The following ZBTB7C variants were observed in gnomAD, a reference collection of about 807,000 sequenced individuals.
ZBTB7C encodes the protein zinc finger and BTB domain-containing protein 7C.
Under a neutral mutation model 25.7 loss-of-function variants are expected in ZBTB7C, and 8 were observed. The ratio of observed to expected loss-of-function variants is 0.31; its 90% CI spans 0.18 to 0.56. ZBTB7C has a LOEUF of 0.56. Among genes scored for constraint, ZBTB7C ranks in the 20% least tolerant of loss-of-function variants. The pLI is 0.91. For synonymous variants in ZBTB7C, 394 were observed against 369.0 expected, an observed-to-expected ratio of 1.07 and a Z score of -0.78; for missense variants, 824 against 855.2, an observed-to-expected ratio of 0.96 and a Z score of 0.46.
chr18:48,070,308 G>GTTCTGGA (rs899753894), intron 3 of ZBTB7C, among the ~76,000 whole-genome samples: 169 of 152,344 alleles, frequency 1.1e-3, no homozygotes, highest in African/African-American at 3.8e-3. Context: ...TACCTGCCTG[G>GTTCTGGA]TTCTGGAGTC....
chr18:48,083,511 C>T (rs545226249), intron 3 of ZBTB7C, among the ~76,000 whole-genome samples: 231 of 152,192 alleles, frequency 1.5e-3, no homozygotes, highest in Non-Finnish European at 2.5e-3. Flanking sequence ...AAGCATTTCT[C>T]TCCATCTAAG....
Position 48,329,109 on chromosome 18 carries a change from G to T in ZBTB7C, c.-79+9065C>A, listed in dbSNP as rs572623861. ...TAAAAGCAACACAGGGTCAGAGAAG[G>T]CTTCTTTAAGAAGTCTCTCTCTAAT... is the stretch of plus-strand genomic sequence containing the variant. On this transcript the variant is annotated intron_variant, in intron 2 of 4. Coordinates refer to ENST00000590800, the MANE Select transcript of ZBTB7C (RefSeq NM_001318841.2). 3.0e-4 allele frequency among the ~76,000 whole-genome samples: 45 copies of T among 152,296 alleles called. 1 individual carries two copies. Among genetic ancestry groups the T allele is most frequent in the African/African-American group, 1.0e-3 (43 of 41,568 alleles).
chr18:48,230,256 C>A (rs887148105), intron 2 of ZBTB7C, among the ~76,000 whole-genome samples: 3 of 152,202 alleles, frequency 2.0e-5, no homozygotes, highest in Non-Finnish European at 4.4e-5. Flanking sequence ...CAAGGTTTAT[C>A]CCCTGTTCAG....
intron 2 of ZBTB7C, among the ~76,000 whole-genome samples, chr18:48,191,804 G>C (rs935345548): frequency 6.6e-6 from 1 of 152,186 alleles, no homozygotes; most frequent in African/African-American, 2.4e-5. Flanking sequence ...TCCTTCAGAG[G>C]CTATGTTTGC....
chr18:48,215,279 C>T (rs996627853), intron 2 of ZBTB7C, among the ~76,000 whole-genome samples: 1 of 152,092 alleles, frequency 6.6e-6, no homozygotes, highest in Admixed American at 6.5e-5. Flanking sequence ...CCAGTGTTGA[C>T]CAAAAAAGCC....
At chr18:48,271,850 GA>G (rs1389112487) in intron 2 of ZBTB7C, among the ~76,000 whole-genome samples, 1 of 151,996 alleles carries the variant, frequency 6.6e-6, no homozygotes, top group Non-Finnish European at 1.5e-5. Flanking sequence ...AAAAACTAAT[GA>G]CAAACATCAA....
intron 2 of ZBTB7C, among the ~76,000 whole-genome samples, chr18:48,290,989 T>C (rs929014545): frequency 6.6e-5 from 10 of 152,194 alleles, no homozygotes; most frequent in Admixed American, 6.5e-4. Flanking sequence ...GCTCCTCAAG[T>C]CATATTTAAA....
chr18:48,129,901 C>G (rs1001424975), intron 3 of ZBTB7C, among the ~76,000 whole-genome samples: 6 of 152,140 alleles, frequency 3.9e-5, no homozygotes, highest in Admixed American at 6.5e-5. Flanking sequence ...CTCAGATCTC[C>G]GAATAAACCG....
rs1555690166 is a variant in ZBTB7C at position 48,093,621 on chromosome 18, A to AAC, written c.-16-52499_-16-52498insGT. Among the ~76,000 whole-genome samples, 116 of 152,060 alleles carry AAC rather than the reference A, an allele frequency of 7.6e-4. 1 individual carries two copies. Among genetic ancestry groups the AAC allele is most frequent in the Non-Finnish European group, 2.9e-5 (2 of 67,952 alleles). On this transcript the variant is annotated intron_variant, in intron 3 of 4. Transcript: ENST00000590800. ...GGCAGCAGTGATTAAAAAAAAACAA[A>AAC]AAAAACACACACACAGAGATTCATC...
At chr18:48,371,458 A>T (rs1390213274) in intron 1 of ZBTB7C, among the ~76,000 whole-genome samples, 1 of 152,234 alleles carries the variant, frequency 6.6e-6, no homozygotes, top group Non-Finnish European at 1.5e-5. Flanking sequence ...ACTTCCCATG[A>T]TCATTCAGAC....
chr18:48,120,495 G>A (rs1448814014), intron 3 of ZBTB7C, among the ~76,000 whole-genome samples: 2 of 152,176 alleles, frequency 1.3e-5, no homozygotes, highest in African/African-American at 2.4e-5. Context: ...GGTGGTGGGT[G>A]CCTGTAGTCC....
At chr18:48,187,212 A>G (rs2042077109) in intron 2 of ZBTB7C, among the ~76,000 whole-genome samples, 1 of 152,218 alleles carries the variant, frequency 6.6e-6, no homozygotes, top group African/African-American at 2.4e-5. Flanking sequence ...TTTGTTTTTA[A>G]AAAGCTCAAT....
intron 3 of ZBTB7C, among the ~76,000 whole-genome samples, chr18:48,118,714 T>C (rs1238102736): frequency 6.6e-6 from 1 of 152,206 alleles, no homozygotes; most frequent in Non-Finnish European, 1.5e-5. Context: ...AAAATGAGAC[T>C]TTCTATGAGT....
intron 1 of ZBTB7C, among the ~76,000 whole-genome samples, chr18:48,380,115 T>C (rs1298277555): frequency 2.0e-5 from 3 of 152,124 alleles, no homozygotes; most frequent in Non-Finnish European, 4.4e-5. Context: ...ATGGAATGTA[T>C]AATTTGACAA....
chr18:48,241,793 G>A (rs1367988986), intron 2 of ZBTB7C, among the ~76,000 whole-genome samples: 2 of 151,806 alleles, frequency 1.3e-5, no homozygotes, highest in East Asian at 3.9e-4. Flanking sequence ...CACACCTCAA[G>A]GAACTAGAAA....
intron 3 of ZBTB7C, among the ~76,000 whole-genome samples, chr18:48,058,077 C>T (rs1236569143): frequency 2.0e-5 from 3 of 152,180 alleles, no homozygotes; most frequent in Admixed American, 2.0e-4. Context: ...CTAGGAAGAG[C>T]CGTGATGTTG....
intron 2 of ZBTB7C, among the ~76,000 whole-genome samples, chr18:48,227,869 G>C (rs1457451625): frequency 1.3e-5 from 2 of 152,216 alleles, no homozygotes; most frequent in Non-Finnish European, 2.9e-5. Flanking sequence ...CCCTCTCAGA[G>C]TGAGAGGGCA....
chr18:48,167,563 G>GGTGGGTGT (rs1555705398), intron 3 of ZBTB7C, among the ~76,000 whole-genome samples: 1 of 142,484 alleles, frequency 7.0e-6, no homozygotes, highest in African/African-American at 2.6e-5. Flanking sequence ...GCATTGCTAG[G>GGTGGGTGT]GTGTGTGTGT....
intron 3 of ZBTB7C, among the ~76,000 whole-genome samples, chr18:48,095,566 G>A (rs889723790): frequency 3.3e-5 from 5 of 152,016 alleles, no homozygotes. Context: ...ACAAAAATTA[G>A]CCAGGGGTGG....
Sources: gnomAD v4.1 joint callset for allele counts (sites outside exome capture counted in the v4.1 genomes callset) on GRCh38, gnomAD v4.1.1 for gene constraint, MANE v1.5 for transcripts, NCBI Gene and HGNC (gene_info 2026-07-23, HGNC 2026-07-21) for gene names.